NEDD4L: variants seen among roughly 807,000 people sequenced by gnomAD.
The protein encoded by NEDD4L is NEDD4 like E3 ubiquitin protein ligase.
Under a neutral mutation model 148.9 loss-of-function variants are expected in NEDD4L, and 54 were observed. The observed-to-expected ratio is 0.36, with a 90% CI of 0.29 to 0.45. NEDD4L has a LOEUF of 0.45. NEDD4L is among the 20% of genes least tolerant of loss of function. The pLI, the probability that NEDD4L is intolerant of heterozygous loss-of-function variation, is 1.00. For synonymous variants in NEDD4L, 433 were observed against 440.7 expected, an observed-to-expected ratio of 0.98 and a Z score of 0.22; for missense variants, 856 against 1,233.8, an observed-to-expected ratio of 0.69 and a Z score of 4.59.
intron 13 of NEDD4L, 140 bp from the exon 14 acceptor site, chr18:58,340,898 C>A: frequency 2.5e-6 from 2 of 814,390 alleles, no homozygotes; most frequent in South Asian, 2.0e-5. Context: ...GTTTTCCAGA[C>A]ACTTGTAAGT....
At chr18:58,142,779 C>T (rs1209199024) in intron 1 of NEDD4L, among the ~76,000 whole-genome samples, 1 of 152,226 alleles carries the variant, frequency 6.6e-6, no homozygotes, top group East Asian at 1.9e-4. Flanking sequence ...TTCCTATCTC[C>T]TGTGCTGTAA....
intron 1 of NEDD4L, among the ~76,000 whole-genome samples, chr18:58,063,036 G>GTTGTTT (rs1555679333): frequency 1.5e-5 from 1 of 67,246 alleles, no homozygotes; most frequent in Non-Finnish European, 3.0e-5. Flanking sequence ...TCATTTATTT[G>GTTGTTT]TTCTTTTTTT....
chr18:58,154,757 C>T (rs1276681970), intron 1 of NEDD4L, among the ~76,000 whole-genome samples: 6 of 152,204 alleles, frequency 3.9e-5, no homozygotes, highest in Non-Finnish European at 1.5e-5. Context: ...CGTTGCACTC[C>T]AGCCTGAGTG....
At chr18:58,148,047 CCT>C (rs2034288060) in intron 1 of NEDD4L, among the ~76,000 whole-genome samples, 1 of 152,066 alleles carries the variant, frequency 6.6e-6, no homozygotes, top group African/African-American at 2.4e-5. Flanking sequence ...TCTCTCCCCC[CCT>C]TTTTTTTTTG....
intron 1 of NEDD4L, among the ~76,000 whole-genome samples, chr18:58,158,256 A>G (rs1367907288): frequency 6.6e-6 from 1 of 152,262 alleles, no homozygotes; most frequent in Non-Finnish European, 1.5e-5. Flanking sequence ...GGCTTTCCCC[A>G]GAGGGAATGA....
chr18:58,123,666 C>T (rs7230985), intron 1 of NEDD4L, among the ~76,000 whole-genome samples: 2,626 of 152,264 alleles, frequency 0.017, 30 homozygotes, highest in African/African-American at 0.026. Flanking sequence ...GCAGTTTCAT[C>T]GGTTCAGAGA....
At chr18:58,262,760 A>G (rs1201125419) in intron 5 of NEDD4L, among the ~76,000 whole-genome samples, 3 of 152,190 alleles carry the variant, frequency 2.0e-5, no homozygotes, top group Non-Finnish European at 2.9e-5. Context: ...GCCAACTAGG[A>G]TACAGAGGAG....
chr18:58,166,866 C>T (rs2036907585), intron 2 of NEDD4L, among the ~76,000 whole-genome samples: 1 of 152,130 alleles, frequency 6.6e-6, no homozygotes, highest in Non-Finnish European at 1.5e-5. Context: ...CACTGGAGTC[C>T]CTCTATAAAG....
chr18:58,357,351 G>A (rs575630895), intron 19 of NEDD4L, 99 bp downstream of exon 19: 11 of 1,058,050 alleles, frequency 1.0e-5, no homozygotes, highest in African/African-American at 3.1e-5. Context: ...AAGGGACAAC[G>A]GTGATTGAGT....
At position 58,127,474 on chromosome 18, in the gene NEDD4L, C is replaced by T. The variant is rs190530321; in HGVS notation, c.49-38314C>T. ...TAATCTCCACACTGGGAGGCCGAGG[C>T]GGGAAGATCGCTTGAGGCCAGGAGT... On this transcript the variant is annotated intron_variant, in intron 1 of 30. Transcript: ENST00000400345. Among the ~76,000 whole-genome samples, 18 of 149,958 alleles carry T rather than the reference C, an allele frequency of 1.2e-4. No homozygotes were observed. In the East Asian group the frequency reaches 3.3e-3, roughly 27 times the overall value.
chr18:58,205,971 A>G (rs1157685719), intron 2 of NEDD4L, among the ~76,000 whole-genome samples: 2 of 152,118 alleles, frequency 1.3e-5, no homozygotes, highest in East Asian at 3.9e-4. Flanking sequence ...AGCTGATGAG[A>G]TCCAGTTCAG....
chr18:58,215,089 G>A (rs1437684899), intron 2 of NEDD4L, among the ~76,000 whole-genome samples: 1 of 152,140 alleles, frequency 6.6e-6, no homozygotes, highest in East Asian at 1.9e-4. Context: ...TAGGATTACA[G>A]GCGTGAGCCA....
chr18:58,379,394 G>A (rs1344100697), intron 24 of NEDD4L, among the ~76,000 whole-genome samples: 2 of 152,202 alleles, frequency 1.3e-5, no homozygotes, highest in African/African-American at 2.4e-5. Context: ...ACACTGTCAC[G>A]GTACCACCCG....
rs568517865 is a variant in NEDD4L at position 58,327,478 on chromosome 18, GC to G, written c.681-1516del. 3.9e-4 allele frequency among the ~76,000 whole-genome samples: 59 copies of G among 152,372 alleles called. 1 individual carries two copies. Among genetic ancestry groups the G allele is most frequent in the East Asian group, 2.9e-3 (15 of 5,190 alleles). On this transcript the variant is annotated intron_variant, in intron 9 of 30. Transcript: ENST00000400345. ...GAGGCATAACTGCCCCATCAAGGAG[GC>G]AGCAATGCCAAAGGGAGAGGCTGAG... is the stretch of plus-strand genomic sequence containing the variant.
At chr18:58,317,206 AG>A (rs2058364951) in intron 6 of NEDD4L, among the ~76,000 whole-genome samples, 1 of 152,266 alleles carries the variant, frequency 6.6e-6, no homozygotes, top group Admixed American at 6.5e-5. Flanking sequence ...CTGAAGCTCC[AG>A]GGTGCCACGG....
intron 1 of NEDD4L, among the ~76,000 whole-genome samples, chr18:58,159,917 G>T (rs536936489): frequency 6.6e-6 from 1 of 152,174 alleles, no homozygotes; most frequent in South Asian, 2.1e-4. Flanking sequence ...CTTATTGTCC[G>T]CTTGGACAGC....
chr18:58,234,612 G>A (rs2045789930), intron 2 of NEDD4L, among the ~76,000 whole-genome samples: 1 of 152,140 alleles, frequency 6.6e-6, no homozygotes, highest in Admixed American at 6.5e-5. Flanking sequence ...CGAGATTACA[G>A]GCATGAGCCA....
Position 58,325,051 on chromosome 18 carries a change from T to C in NEDD4L, c.569T>C (p.Leu190Pro), listed in dbSNP as rs1167552515. 2.5e-6 allele frequency: 4 copies of C among 1,613,602 alleles called. No individual in the cohort carries two copies. Among genetic ancestry groups the C allele is most frequent in the Non-Finnish European group, 3.4e-6 (4 of 1,179,694 alleles). The change falls in exon 9 of 31, where the codon CTT becomes CCT. Residue 190 changes from leucine (L) to proline (P), a missense_variant. Around this residue, in one of 4 missense-constraint regions of NEDD4L, gnomAD observed 193 missense variants for 244.2 expected, o/e 0.79. Transcript: ENST00000400345. Reference sequence around the variant, plus strand: ...TCGGCTTCTCAGCACCAAGAGGAACTTCCTCCTCCTCCTCTGCCTCCCGGG... The same window carrying C: ...TCGGCTTCTCAGCACCAAGAGGAACCTCCTCCTCCTCCTCTGCCTCCCGGG... ...NDSASQHQEE[L>P]PPPPLPPGWE... is the part of the protein sequence containing the mutation.
chr18:58,107,167 ACC>A (rs1331159171), intron 1 of NEDD4L, among the ~76,000 whole-genome samples: 1 of 152,042 alleles, frequency 6.6e-6, no homozygotes, highest in Non-Finnish European at 1.5e-5. Flanking sequence ...GATTAGGCCC[ACC>A]CTATTGACCT....
Sources: allele counts gnomAD v4.1 joint callset (sites outside exome capture counted in the v4.1 genomes callset), GRCh38; gene constraint gnomAD v4.1.1; regional missense constraint gnomAD v4.1.1; transcripts MANE v1.5; gene names NCBI Gene and HGNC (gene_info 2026-07-23, HGNC 2026-07-21).